The following DPP10 variants were observed in gnomAD, a reference collection of about 807,000 sequenced individuals.
DPP10 encodes inactive dipeptidyl peptidase 10.
DPP10 carries 33 observed loss-of-function variants against 120.9 expected under a neutral mutation model. The observed-to-expected ratio is 0.27, with a 90% CI of 0.21 to 0.37. The LOEUF is 0.37. Among genes scored for constraint, DPP10 ranks in the 10% least tolerant of loss-of-function variants. The probability of loss-of-function intolerance (pLI) is 1.00; values close to 1 mark genes in which losing one functional copy is unlikely to be tolerated. For synonymous variants in DPP10, 337 were observed against 326.1 expected (o/e 1.03, Z -0.36); for missense variants, 816 against 942.8 (o/e 0.87, Z 1.76).
At chr2:115,381,999 T>A (rs201685518) in intron 3 of DPP10, among the ~76,000 whole-genome samples, 578 of 130,236 alleles carry the variant, frequency 4.4e-3, no homozygotes, top group Non-Finnish European at 6.4e-3. Context: ...GTTACTGCTG[T>A]CTTTTTGTTT....
chr2:114,759,447 A>G (rs958326574), intron 1 of DPP10, among the ~76,000 whole-genome samples: 2 of 151,832 alleles, frequency 1.3e-5, no homozygotes, highest in South Asian at 4.2e-4. Flanking sequence ...TAAGGAGTCC[A>G]AGACGGGTGC....
chr2:114,917,578 C>CA (rs1273540086), intron 1 of DPP10, among the ~76,000 whole-genome samples: 2 of 152,028 alleles, frequency 1.3e-5, no homozygotes. Context: ...CTACAGTAAG[C>CA]AAAACAGCAT....
At chr2:114,892,942 T>G (rs1054721824) in intron 1 of DPP10, among the ~76,000 whole-genome samples, 3 of 152,202 alleles carry the variant, frequency 2.0e-5, no homozygotes, top group African/African-American at 7.2e-5. Flanking sequence ...AATCTTCCAC[T>G]AGTTGAGGCA....
intron 1 of DPP10, among the ~76,000 whole-genome samples, chr2:114,712,365 T>C (rs1701082968): frequency 6.6e-6 from 1 of 152,178 alleles, no homozygotes; most frequent in African/African-American, 2.4e-5. Context: ...TCATTAACTC[T>C]TTTCCTTAAT....
At chr2:114,995,120 C>T (rs1160143303) in intron 1 of DPP10, among the ~76,000 whole-genome samples, 1 of 152,160 alleles carries the variant, frequency 6.6e-6, no homozygotes, top group Non-Finnish European at 1.5e-5. Context: ...TGCCTTTTGC[C>T]ATTGCCAGGA....
At chr2:115,827,318 C>CATGTACATGTATATGTAT (rs1553518918) in intron 21 of DPP10, among the ~76,000 whole-genome samples, 14 of 137,790 alleles carry the variant, frequency 1.0e-4, no homozygotes, top group African/African-American at 3.3e-4. Flanking sequence ...TACACATGTA[C>CATGTACATGTATATGTAT]ATGTATATGT....
chr2:114,610,145 T>C (rs1693166481), intron 1 of DPP10, among the ~76,000 whole-genome samples: 2 of 152,170 alleles, frequency 1.3e-5, no homozygotes, highest in Admixed American at 1.3e-4. Context: ...CTTAGATGGG[T>C]AAAGGATGTT....
At chr2:115,623,597 T>G in intron 5 of DPP10, among the ~76,000 whole-genome samples, 1 of 152,116 alleles carries the variant, frequency 6.6e-6, no homozygotes, top group East Asian at 1.9e-4. Flanking sequence ...TTAACAGAGC[T>G]TACAATTTAT....
At chr2:115,818,117 G>A (rs1687451388) in intron 21 of DPP10, among the ~76,000 whole-genome samples, 1 of 152,178 alleles carries the variant, frequency 6.6e-6, no homozygotes, top group Admixed American at 6.5e-5. Flanking sequence ...GAATGTGAGT[G>A]CAAATGAGAG....
intron 1 of DPP10, among the ~76,000 whole-genome samples, chr2:115,096,693 C>G (rs1387790508): frequency 6.6e-6 from 1 of 152,104 alleles, no homozygotes; most frequent in African/African-American, 2.4e-5. Context: ...TAAATGCATA[C>G]ACTTTTGTAC....
intron 3 of DPP10, among the ~76,000 whole-genome samples, chr2:115,382,056 C>T (rs2066422070): frequency 6.6e-6 from 1 of 152,194 alleles, no homozygotes; most frequent in African/African-American, 2.4e-5. Context: ...GCAGGCAGGC[C>T]TCCTTGAGCT....
intron 3 of DPP10, among the ~76,000 whole-genome samples, chr2:115,481,342 A>T (rs1407846848): frequency 6.6e-6 from 1 of 152,148 alleles, no homozygotes; most frequent in African/African-American, 2.4e-5. Flanking sequence ...TCTTAGCTTC[A>T]TAAAGTACAT....
chr2:114,862,292 A>C (rs2106532011), intron 1 of DPP10, among the ~76,000 whole-genome samples: 1 of 152,152 alleles, frequency 6.6e-6, no homozygotes, highest in South Asian at 2.1e-4. Context: ...AAAATAAAAA[A>C]GGACTGAGCA....
rs1395583474 is a variant in DPP10, at chr2:114,993,576, G to GTATATATA, written c.61-315662_61-315661insATATATAT. Among the ~76,000 whole-genome samples, 74 of 37,582 alleles carry GTATATATA rather than the reference G, an allele frequency of 2.0e-3. 1 individual carries two copies. The highest frequency in any genetic ancestry group is 8.5e-3 in the Admixed American group (21 of 2,460). 24.7% of individuals were successfully genotyped at this position (37,582 alleles called of 152,430 possible). A position where few individuals can be genotyped will look rare whatever the true frequency, so the allele number is the denominator to read the frequency against. ...ATGGATTCTTATTATGTGTGTGTGT[G>GTATATATA]TGTGTATATATATATATATATATAT... is the stretch of plus-strand genomic sequence containing the variant. On this transcript the variant is annotated intron_variant, in intron 1 of 25. Transcript: ENST00000410059.
chr2:115,492,279 A>G (rs2076165735), intron 3 of DPP10, among the ~76,000 whole-genome samples: 1 of 152,172 alleles, frequency 6.6e-6, no homozygotes, highest in South Asian at 2.1e-4. Context: ...TTAGTTTGGT[A>G]AAAAAGATCA....
intron 1 of DPP10, among the ~76,000 whole-genome samples, chr2:114,842,763 T>A (rs894009747): frequency 6.6e-6 from 1 of 152,132 alleles, no homozygotes; most frequent in Non-Finnish European, 1.5e-5. Context: ...GGGAGACTGC[T>A]TAACAAGTCC....
chr2:115,749,885 C>A, intron 10 of DPP10: 1 of 632,744 alleles, frequency 1.6e-6, no homozygotes, highest in Non-Finnish European at 2.0e-6. Flanking sequence ...CTCCATTCCA[C>A]ATAACCTTGT....
chr2:114,712,838 G>A lies in DPP10; in HGVS notation c.60+270000G>A, dbSNP rs183080828. Among the ~76,000 whole-genome samples, 1,065 of 152,098 alleles carry A rather than the reference G, an allele frequency of 7.0e-3. 13 individuals carry two copies. Among genetic ancestry groups the A allele is most frequent in the African/African-American group, 0.024 (1,010 of 41,488 alleles). On this transcript the variant is annotated intron_variant, in intron 1 of 25. Coordinates refer to ENST00000410059, the MANE Select transcript of DPP10 (RefSeq NM_020868.6). ...GGTTTCCTACTACATTATATGGTAAGTCAGACTTCAAATTTAACATGCCAT... is the reference window on the plus strand; with the variant it reads ...GGTTTCCTACTACATTATATGGTAAATCAGACTTCAAATTTAACATGCCAT...
chr2:115,297,265 C>A, intron 1 of DPP10: 1 of 401,648 alleles, frequency 2.5e-6, no homozygotes, highest in Non-Finnish European at 5.1e-6. Flanking sequence ...TGTTTTATGC[C>A]TAGGAAGATG....
Sources: gnomAD v4.1 joint callset for allele counts (sites outside exome capture counted in the v4.1 genomes callset) on GRCh38, gnomAD v4.1.1 for gene constraint, MANE v1.5 for transcripts, NCBI Gene and HGNC (gene_info 2026-07-23, HGNC 2026-07-21) for gene names.